The following ESRP1 variants were observed in gnomAD, a reference collection of about 807,000 sequenced individuals.
ESRP1 encodes the protein RNA-binding motif protein 35A.
A neutral mutation model predicts 81.7 loss-of-function variants in ESRP1; 33 were observed. The observed-to-expected ratio is 0.40, with a 90% CI of 0.31 to 0.54. ESRP1 has a LOEUF of 0.54. Ranked by LOEUF, ESRP1 falls within the 20% of genes least tolerant of loss-of-function variation. The probability of loss-of-function intolerance (pLI) is 0.41; values close to 1 mark genes in which losing one functional copy is unlikely to be tolerated. For synonymous variants in ESRP1, 320 were observed against 303.3 expected, an observed-to-expected ratio of 1.06 and a Z score of -0.57; for missense variants, 672 against 833.1, an observed-to-expected ratio of 0.81 and a Z score of 2.38.
At chr8:94,642,589 G>C (rs1322337504) in intron 2 of ESRP1, among the ~76,000 whole-genome samples, 1 of 152,172 alleles carries the variant, frequency 6.6e-6, no homozygotes, top group Non-Finnish European at 1.5e-5. Flanking sequence ...GAAAGGCTCG[G>C]TCCGTCATTA....
intron 11 of ESRP1, 46 bp downstream of exon 11, chr8:94,671,717 C>T (rs780404208): frequency 1.5e-6 from 2 of 1,343,446 alleles, no homozygotes; most frequent in East Asian, 4.8e-5. Context: ...TTTCTCACTA[C>T]ATATGAGAAA....
rs1047986115 is a variant in ESRP1, at chr8:94,650,036, G to A, written c.490+3754G>A. On this transcript the variant is annotated intron_variant, in intron 4 of 15. Coordinates refer to ENST00000433389, the MANE Select transcript of ESRP1 (RefSeq NM_017697.4). The stretch of plus-strand genomic sequence containing the variant: ...CTTCCCTTCCTCTCCTTCTCTCCCC[G>A]TGCCCCCTCACTGTGAAAGTGCTGT... 4.6e-5 allele frequency among the ~76,000 whole-genome samples: 7 copies of A among 150,758 alleles called. No individual in the cohort carries two copies. The South Asian group carries it at 8.4e-4, about 18-fold the overall frequency.
intron 13 of ESRP1, among the ~76,000 whole-genome samples, chr8:94,680,173 A>G (rs1808817136): frequency 6.6e-6 from 1 of 152,032 alleles, no homozygotes; most frequent in Middle Eastern, 3.2e-3. Context: ...ACATGCTTGT[A>G]TTTCTGTAAG....
intron 15 of ESRP1, among the ~76,000 whole-genome samples, chr8:94,697,427 G>T (rs909991685): frequency 6.6e-5 from 10 of 152,090 alleles, no homozygotes; most frequent in Non-Finnish European, 1.3e-4. Context: ...TCTGCTTTCT[G>T]TCTCTATGGA....
At chr8:94,667,131 C>A (rs1819062993) in intron 9 of ESRP1, among the ~76,000 whole-genome samples, 2 of 147,470 alleles carry the variant, frequency 1.4e-5, no homozygotes, top group African/African-American at 5.2e-5. Flanking sequence ...GCAGGAGAAT[C>A]AACTTGAATC....
chr8:94,691,635 A>G (rs930717780), intron 13 of ESRP1, among the ~76,000 whole-genome samples: 4 of 152,188 alleles, frequency 2.6e-5, no homozygotes, highest in Non-Finnish European at 4.4e-5. Context: ...ATCTGACTCC[A>G]TTCCTATTAA....
At chr8:94,680,021 A>G (rs1808811127) in intron 13 of ESRP1, among the ~76,000 whole-genome samples, 2 of 152,140 alleles carry the variant, frequency 1.3e-5, no homozygotes, top group Admixed American at 1.3e-4. Context: ...TTGATCTTTA[A>G]ATACTTGATT....
At chr8:94,646,082 TA>T in intron 3 of ESRP1, 85 bp from the exon 4 acceptor site, 2 of 676,384 alleles carry the variant, frequency 3.0e-6, no homozygotes, top group Non-Finnish European at 5.0e-6. Context: ...AAAATATGCT[TA>T]TATTCAATTT....
At position 94,692,688 on chromosome 8, in the gene ESRP1, C is replaced by T. The variant is rs1385406214; in HGVS notation, c.1832C>T (p.Ser611Leu). Residue 611 changes from serine (S) to leucine (L), a missense_variant, in exon 14 of 16, where the codon TCG becomes TTG. Physicochemically the swap from Ser to Leu is moderately radical, Grantham distance 145. Coordinates refer to ENST00000433389, the MANE Select transcript of ESRP1 (RefSeq NM_017697.4). ...TTCTCTCCCTTTAGCCCCCCAGGTT[C>T]GCCTAATAGTCTTGGCTACTTCCCT... ...YTAYYPSPPG[S>L]PNSLGYFPTA... 4.3e-6 allele frequency: 7 copies of T among 1,613,390 alleles called. No homozygotes were observed. The highest frequency in any genetic ancestry group is 2.7e-5 in the African/African-American group (2 of 74,878).
chr8:94,699,905 A>G (rs1355032891), intron 15 of ESRP1, among the ~76,000 whole-genome samples: 1 of 74,398 alleles, frequency 1.3e-5, no homozygotes, highest in Non-Finnish European at 2.4e-5. Context: ...TGTTTTATAT[A>G]TATTTTTTTA....
At chr8:94,660,243 G>A (rs930211891) in intron 4 of ESRP1, among the ~76,000 whole-genome samples, 1 of 152,172 alleles carries the variant, frequency 6.6e-6, no homozygotes, top group Non-Finnish European at 1.5e-5. Flanking sequence ...GGCTAATGTA[G>A]CTGGTGACTT....
At chr8:94,656,111 G>A (rs1463643285) in intron 4 of ESRP1, 1 of 150,846 alleles carries the variant, frequency 6.6e-6, no homozygotes, top group Non-Finnish European at 1.5e-5. Flanking sequence ...AAACAGAGCA[G>A]GTTAAAACTC....
intron 10 of ESRP1, among the ~76,000 whole-genome samples, chr8:94,670,947 G>C (rs534121771): frequency 6.6e-6 from 1 of 152,166 alleles, no homozygotes; most frequent in African/African-American, 2.4e-5. Context: ...TGTTTGGCCT[G>C]TGATTCTTTT....
intron 13 of ESRP1, among the ~76,000 whole-genome samples, chr8:94,684,890 A>C (rs182276637): frequency 1.1e-3 from 162 of 152,016 alleles, no homozygotes; most frequent in African/African-American, 3.6e-3. Context: ...TTAAGTTGGG[A>C]TGGTGGCACC....
chr8:94,669,997 A>T (rs533996489), intron 10 of ESRP1, among the ~76,000 whole-genome samples: 1 of 152,208 alleles, frequency 6.6e-6, no homozygotes, highest in East Asian at 1.9e-4. Flanking sequence ...AAAAAACTCG[A>T]TGTGGTTGCA....
At position 94,642,005 on chromosome 8, in the gene ESRP1, C is replaced by A; in HGVS notation, c.182C>A (p.Thr61Lys). 3 of 1,613,992 alleles carry A rather than the reference C, an allele frequency of 1.9e-6. No individual in the cohort carries two copies. The highest frequency in any genetic ancestry group is 2.5e-6 in the Non-Finnish European group (3 of 1,179,886). ...VLVRPDQLEL[T>K]EDCKEETKID... is the part of the protein sequence containing the mutation. ...GTTAGACCGGATCAGTTGGAACTGA[C>A]GGAGGACTGCAAAGAAGAAACTAAA... Residue 61 changes from threonine to lysine, a missense_variant, in exon 2 of 16, where the codon ACG (threonine) becomes AAG (lysine). Thr to Lys is a moderately conservative substitution (Grantham distance 78). Coordinates refer to ENST00000433389, the MANE Select transcript of ESRP1 (RefSeq NM_017697.4).
chr8:94,682,940 T>A (rs1419501163), intron 13 of ESRP1, among the ~76,000 whole-genome samples: 86 of 73,678 alleles, frequency 1.2e-3, no homozygotes, highest in African/African-American at 1.5e-3. Flanking sequence ...ATATTTTTTT[T>A]TTTTTTTTTT....
At chr8:94,666,456 AT>A in intron 9 of ESRP1, among the ~76,000 whole-genome samples, 1 of 152,364 alleles carries the variant, frequency 6.6e-6, no homozygotes, top group East Asian at 1.9e-4. Context: ...TGCGCCACTC[AT>A]TGGGATAAAT....
chr8:94,673,283 A>G (rs931447683), intron 11 of ESRP1, among the ~76,000 whole-genome samples: 4 of 152,188 alleles, frequency 2.6e-5, no homozygotes, highest in African/African-American at 9.7e-5. Flanking sequence ...GATTAACAAC[A>G]GTATTTGTCT....
Sources: gnomAD v4.1 joint callset for allele counts (sites outside exome capture counted in the v4.1 genomes callset) on GRCh38, gnomAD v4.1.1 for gene constraint, MANE v1.5 for transcripts, NCBI Gene and HGNC (gene_info 2026-07-23, HGNC 2026-07-21) for gene names.